FYN: variants seen among roughly 807,000 people sequenced by gnomAD.
FYN encodes the protein tyrosine-protein kinase Fyn.
FYN carries 10 observed loss-of-function variants against 70.2 expected under a neutral mutation model. The observed-to-expected ratio is 0.14, with a 90% CI of 0.09 to 0.24. FYN has a LOEUF of 0.24. Ranked by LOEUF, FYN falls within the 10% of genes least tolerant of loss-of-function variation. FYN has a pLI of 1.00. For missense variants in FYN, 319 were observed against 673.1 expected (o/e 0.47, Z 5.82); for synonymous variants, 236 against 248.6 (o/e 0.95, Z 0.48).
rs539598203 is a variant in FYN, at chr6:111,800,460, C to A, written c.-81-19825G>T. ...AGCAGGAGGGATGGACACAACTTGC[C>A]GAAGGGATATTGAATATGAGGAAGG... On this transcript the variant is annotated intron_variant, in intron 2 of 13. Coordinates refer to ENST00000354650, the MANE Select transcript of FYN (RefSeq NM_002037.5). Among the ~76,000 whole-genome samples, 3 of 151,890 alleles carry A rather than the reference C, an allele frequency of 2.0e-5. No individual in the cohort carries two copies. In the East Asian group the frequency reaches 5.8e-4, roughly 29 times the overall value.
Position 111,694,564 on chromosome 6 carries a change from C to T in FYN, c.1120-36G>A, listed in dbSNP as rs144806893. ...CCAGGGAACAGGACATGTTACACCA[C>T]GACCCAATGTACTTAGACACGTCAT... On this transcript the variant is annotated intron_variant, in intron 11 of 13. Coordinates refer to ENST00000354650, the MANE Select transcript of FYN (RefSeq NM_002037.5). This position sits in a 1 kb window ranked among gnomAD's most constrained non-coding sequence, Gnocchi z 5.0. 5.5e-5 allele frequency: 89 copies of T among 1,613,764 alleles called. No homozygotes were observed. In the African/African-American group the frequency reaches 5.6e-4, roughly 10 times the overall value.
chr6:111,811,133 G>A (rs1411850321), intron 2 of FYN, among the ~76,000 whole-genome samples: 1 of 152,192 alleles, frequency 6.6e-6, no homozygotes, highest in Non-Finnish European at 1.5e-5. Context: ...GAATATACAA[G>A]TAGTCAGGAG....
At chr6:111,828,454 C>T (rs1330943023) in intron 2 of FYN, among the ~76,000 whole-genome samples, 4 of 152,108 alleles carry the variant, frequency 2.6e-5, no homozygotes, top group Admixed American at 6.5e-5. Flanking sequence ...GATATTTGTA[C>T]GTCCATGTTC....
intron 2 of FYN, among the ~76,000 whole-genome samples, chr6:111,792,117 G>T (rs757121387): frequency 6.6e-6 from 1 of 152,074 alleles, no homozygotes; most frequent in Non-Finnish European, 1.5e-5. Flanking sequence ...GAACATAATT[G>T]CAATACATAT....
intron 8 of FYN, among the ~76,000 whole-genome samples, chr6:111,701,764 T>C (rs1473120752): frequency 6.6e-6 from 1 of 152,204 alleles, no homozygotes; most frequent in Non-Finnish European, 1.5e-5. Flanking sequence ...GTATATCACT[T>C]AAGCTCAGGG....
chr6:111,832,380 A>T (rs11970757), intron 2 of FYN, among the ~76,000 whole-genome samples: 3 of 152,122 alleles, frequency 2.0e-5, no homozygotes, highest in African/African-American at 7.2e-5. Flanking sequence ...TTGTCTATTG[A>T]CCTTCTATCC....
At chr6:111,699,911 A>ATTTTTTTTTTTTTTTTTT in intron 9 of FYN, 193 bp downstream of exon 9, 1 of 500,114 alleles carries the variant, frequency 2.0e-6, no homozygotes. Flanking sequence ...CCCACTTACT[A>ATTTTTTTTTTTTTTTTTT]TCTTTTTTTT....
intron 9 of FYN, 36 bp from the exon 10 acceptor site, chr6:111,696,492 ATCT>A (rs770167474): frequency 4.1e-5 from 61 of 1,479,914 alleles, no homozygotes; most frequent in Admixed American, 1.6e-4. Context: ...CAAACCAAAG[ATCT>A]TCTTTTGATG....
At position 111,683,299 on chromosome 6, in the gene FYN, T is replaced by A. The variant is rs562707884; in HGVS notation, c.1274-8669A>T. On this transcript the variant is annotated intron_variant, in intron 12 of 13. Coordinates refer to ENST00000354650, the MANE Select transcript of FYN (RefSeq NM_002037.5). ...GCAGCCGCATTGGAATGATGCAGCA[T>A]GACCCATGGCTCTCCTTGCGGTGGG... Among the ~76,000 whole-genome samples, 3 of 152,252 alleles carry A rather than the reference T, an allele frequency of 2.0e-5. No homozygotes were observed. In the South Asian group the frequency reaches 6.2e-4, roughly 31 times the overall value.
chr6:111,676,172 T>C (rs1188767836), intron 12 of FYN, among the ~76,000 whole-genome samples: 1 of 152,230 alleles, frequency 6.6e-6, no homozygotes, highest in Non-Finnish European at 1.5e-5. Flanking sequence ...GATTTTTGTC[T>C]TAAATACAGC....
chr6:111,701,864 C>T (rs1799855188), intron 8 of FYN, among the ~76,000 whole-genome samples: 2 of 152,182 alleles, frequency 1.3e-5, no homozygotes, highest in Admixed American at 1.3e-4. Context: ...ACTGCAAGTG[C>T]TGTTAATATT....
chr6:111,850,895 C>G (rs1160023021), intron 1 of FYN, among the ~76,000 whole-genome samples: 1 of 152,212 alleles, frequency 6.6e-6, no homozygotes, highest in Non-Finnish European at 1.5e-5. Flanking sequence ...GTGGAGCATT[C>G]CTCATTGCCA....
intron 12 of FYN, among the ~76,000 whole-genome samples, chr6:111,692,016 C>T (rs1347783612): frequency 6.6e-6 from 1 of 151,960 alleles, no homozygotes; most frequent in African/African-American, 2.4e-5. Flanking sequence ...ATAAATGGCT[C>T]TGCCACTCCC....
At chr6:111,766,539 A>G (rs572581204) in intron 3 of FYN, among the ~76,000 whole-genome samples, 2 of 152,344 alleles carry the variant, frequency 1.3e-5, no homozygotes, top group East Asian at 3.9e-4. Flanking sequence ...ACTGCTAATA[A>G]AGACATACAT....
chr6:111,701,054 T>C (rs1036839098), intron 8 of FYN, among the ~76,000 whole-genome samples: 1 of 150,930 alleles, frequency 6.6e-6, no homozygotes, highest in African/African-American at 2.4e-5. Context: ...GGAGAAAGAA[T>C]GGAAACTAAA....
rs371036816 is a variant in FYN at position 111,695,817 on chromosome 6, C to T, written c.1042+460G>A. On this transcript the variant is annotated intron_variant, in intron 10 of 13. Transcript: ENST00000354650. ...GGTCTCTGAAAGCATGTAATTTCAT[C>T]GCCTGACGTTTAAGAAGAGAGCTGG... Among the ~76,000 whole-genome samples, 22 of 152,158 alleles carry T rather than the reference C, an allele frequency of 1.4e-4. No homozygotes were observed. The East Asian group carries it at 2.3e-3, about 16-fold the overall frequency.
At chr6:111,784,242 C>T (rs1771282086) in intron 2 of FYN, among the ~76,000 whole-genome samples, 1 of 152,188 alleles carries the variant, frequency 6.6e-6, no homozygotes. Flanking sequence ...TCTGTGGCAT[C>T]TCTGTATTTC....
chr6:111,837,716 C>T (rs1352423022), intron 2 of FYN, among the ~76,000 whole-genome samples: 1 of 152,218 alleles, frequency 6.6e-6, no homozygotes, highest in Non-Finnish European at 1.5e-5. Flanking sequence ...GCACCTTACT[C>T]TTGATGACTG....
intron 1 of FYN, among the ~76,000 whole-genome samples, chr6:111,857,036 G>GT (rs1256451125): frequency 6.6e-6 from 1 of 152,176 alleles, no homozygotes; most frequent in African/African-American, 2.4e-5. Flanking sequence ...AGAGCTAACT[G>GT]TTTTTTTCTC....
Sources: allele counts gnomAD v4.1 joint callset (sites outside exome capture counted in the v4.1 genomes callset), GRCh38; gene constraint gnomAD v4.1.1; non-coding constraint Gnocchi (gnomAD v3.1); transcripts MANE v1.5; gene names NCBI Gene and HGNC (gene_info 2026-07-23, HGNC 2026-07-21).